TOP1MT: variants seen among roughly 807,000 people sequenced by gnomAD.
The protein encoded by TOP1MT is DNA topoisomerase I, mitochondrial.
In TOP1MT, 80 loss-of-function variants were observed where a neutral mutation model predicts 73.9. The ratio of observed to expected loss-of-function variants is 1.08; its 90% CI spans 0.90 to 1.30. The LOEUF is 1.30. TOP1MT is among the 50% of genes most tolerant of loss of function. The probability of loss-of-function intolerance (pLI) is 0.00; values close to 1 mark genes in which losing one functional copy is unlikely to be tolerated. For missense variants in TOP1MT, 815 were observed against 808.0 expected (o/e 1.01, Z -0.10); for synonymous variants, 338 against 326.4 (o/e 1.04, Z -0.38).
At chr8:143,322,416 C>A (rs1369567208) in intron 7 of TOP1MT, among the ~76,000 whole-genome samples, 2 of 129,172 alleles carry the variant, frequency 1.5e-5, no homozygotes, top group African/African-American at 3.3e-5. Flanking sequence ...CACACACGCA[C>A]GCCACACACA....
chr8:143,342,790 A>ATTAT (rs1817149256), intron 2 of TOP1MT, among the ~76,000 whole-genome samples: 1 of 147,956 alleles, frequency 6.8e-6, no homozygotes, highest in Non-Finnish European at 1.5e-5. Context: ...TATTATTATT[A>ATTAT]TTATTATTAT....
chr8:143,334,837 G>A lies in TOP1MT; in HGVS notation c.25C>T (p.Leu9Phe), dbSNP rs775858045. 1 of 1,501,916 alleles carries A rather than the reference G, an allele frequency of 6.7e-7. No homozygotes were observed. Among genetic ancestry groups the A allele is most frequent in the South Asian group, 1.2e-5 (1 of 83,486 alleles). The allele number at this position is 1,501,916 out of a possible 1,614,324, so 93.0% of individuals were successfully genotyped here. A position where few individuals can be genotyped will look rare whatever the true frequency, so the allele number is the denominator to read the frequency against. ...CCGAGCAGCGTCAGAGCCGCCCGGAGCCGCAGCAGCCGCACCACGCGCATC... is the reference window on the plus strand; with the variant it reads ...CCGAGCAGCGTCAGAGCCGCCCGGAACCGCAGCAGCCGCACCACGCGCATC... MRVVRLLR[L>F]RAALTLLGEV... is the part of the protein sequence containing the mutation. Residue 9 changes from leucine (L) to phenylalanine (F), a missense_variant, in exon 1 of 14, where the codon CTC becomes TTC. Physicochemically the swap from Leu to Phe is conservative, Grantham distance 22 (BLOSUM62 0). This residue lies in a region of TOP1MT where 60 missense variants were observed against 65.9 expected (regional missense o/e 0.91). Transcript: ENST00000329245.
At chr8:143,310,890 AG>A (rs1423571608) in intron 12 of TOP1MT, among the ~76,000 whole-genome samples, 1 of 151,582 alleles carries the variant, frequency 6.6e-6, no homozygotes, top group Non-Finnish European at 1.5e-5. Flanking sequence ...GAAAACAAGG[AG>A]GGAAAACAGA....
chr8:143,321,468 ACACG>A lies in TOP1MT; in HGVS notation c.961-86_961-83del. On this transcript the variant is annotated intron_variant, in intron 7 of 13. Coordinates refer to ENST00000329245, the MANE Select transcript of TOP1MT (RefSeq NM_052963.3). Reference sequence around the variant, plus strand: ...CGCACGCCACACACACGCACGCCACACACGCACGCCACACGCACGCCACACACGC... The same window carrying A: ...CGCACGCCACACACACGCACGCCACACACGCCACACGCACGCCACACACGC... 4 of 1,144,040 alleles carry A rather than the reference ACACG, an allele frequency of 3.5e-6. 1 individual carries two copies. Among genetic ancestry groups the A allele is most frequent in the East Asian group, 5.2e-5 (2 of 38,440 alleles). 70.9% of individuals were successfully genotyped at this position (1,144,040 alleles called of 1,614,324 possible).
intron 13 of TOP1MT, 151 bp from the exon 14 acceptor site, chr8:143,309,694 A>C (rs759184043): frequency 1.3e-6 from 2 of 1,513,484 alleles, no homozygotes; most frequent in Non-Finnish European, 8.8e-7. Flanking sequence ...GGCCAACCCC[A>C]CCCCACGCAT....
chr8:143,347,435 A>C (rs2450746), upstream of TOP1MT, among the ~76,000 whole-genome samples: 1 of 152,110 alleles, frequency 6.6e-6, no homozygotes, highest in Non-Finnish European at 1.5e-5. Flanking sequence ...GATTACAGGC[A>C]TGAGCCACCG....
chr8:143,328,413 C>T, intron 3 of TOP1MT: 1 of 402,820 alleles, frequency 2.5e-6, no homozygotes, highest in Non-Finnish European at 4.9e-6. Context: ...AAAGAAAATA[C>T]TGAAATGACA....
intron 1 of TOP1MT, 126 bp downstream of exon 1, chr8:143,334,614 T>TG: frequency 7.1e-7 from 1 of 1,400,022 alleles, no homozygotes; most frequent in South Asian, 1.3e-5. Context: ...CATGCTCTCC[T>TG]GGCCCGACTT....
Position 143,324,566 on chromosome 8 carries a change from G to T in TOP1MT, c.735C>A (p.Thr245=), listed in dbSNP as rs573988690. ...HQWKEVRSDN[T]VTWLAAWTES... is the part of the protein sequence containing the mutation. ...CGGTCCAAGCTGCCAGCCACGTGAC[G>T]GTGTTATCGGAGCGCACCTCCTTCC... The change falls in exon 6 of 14, where the codon ACC becomes ACA. Residue 245 remains threonine (T), a synonymous_variant. Coordinates refer to ENST00000329245, the MANE Select transcript of TOP1MT (RefSeq NM_052963.3). 1.3e-5 allele frequency: 21 copies of T among 1,613,798 alleles called. 1 individual carries two copies. In the South Asian group the frequency reaches 2.3e-4, roughly 18 times the overall value.
intron 1 of TOP1MT, chr8:143,331,884 G>GGGC (rs985607736): frequency 5.1e-4 from 82 of 159,982 alleles, no homozygotes; most frequent in Non-Finnish European, 1.0e-3. Context: ...GGAAGAGGCA[G>GGGC]GGCGGGGTGG....
exon 2 of TOP1MT, chr8:143,343,229 T>C (rs1054349611): frequency 4.4e-6 from 2 of 456,206 alleles, no homozygotes; most frequent in Non-Finnish European, 8.8e-6. Context: ...CTTGGCCTTT[T>C]TTCTTGGGTG....
At chr8:143,319,978 G>T (rs1471311097) in intron 8 of TOP1MT, among the ~76,000 whole-genome samples, 1 of 151,816 alleles carries the variant, frequency 6.6e-6, no homozygotes, top group Non-Finnish European at 1.5e-5. Context: ...ACAAAAATCA[G>T]CTGAGCTTGG....
At position 143,342,233 on chromosome 8, in the gene TOP1MT, TTATTATTATTAG is replaced by T. The variant is rs1387774188; in HGVS notation, c.29+975_29+986del. Among the ~76,000 whole-genome samples the T allele has an allele frequency of 1.2e-4, 17 of 139,114 alleles. 1 individual carries two copies. The highest frequency in any genetic ancestry group is 3.9e-4 in the African/African-American group (12 of 30,914). The allele number at this position is 139,114 out of a possible 152,430, so 91.3% of individuals were successfully genotyped here. A position where few individuals can be genotyped will look rare whatever the true frequency, so the allele number is the denominator to read the frequency against. The stretch of plus-strand genomic sequence containing the variant: ...TTAGAGACAGAGTCTCGCTCTATTA[TTATTATTATTAG>T]AGACAGAGTCTCGCTCTGTTATTAT... On this transcript the variant is annotated intron_variant, in intron 2 of 5. Transcript: ENST00000518007.
intron 8 of TOP1MT, among the ~76,000 whole-genome samples, chr8:143,319,293 A>AT (rs34739112): frequency 1.1e-4 from 16 of 148,864 alleles, no homozygotes; most frequent in South Asian, 4.3e-4. Context: ...TAATTTTTTT[A>AT]TTTTTTTTTT....
chr8:143,326,055 C>T (rs918530336), intron 4 of TOP1MT, among the ~76,000 whole-genome samples, 167 bp downstream of exon 4: 4 of 152,322 alleles, frequency 2.6e-5, no homozygotes, highest in East Asian at 1.9e-4. Context: ...TCTGGGGAAG[C>T]GGAACGACAC....
chr8:143,324,641 C>G lies in TOP1MT; in HGVS notation c.672-12G>C, dbSNP rs200935053. 458 of 1,611,242 alleles carry G rather than the reference C, an allele frequency of 2.8e-4. 3 individuals carry two copies. In the East Asian group the frequency reaches 1.0e-2, roughly 35 times the overall value. On this transcript the variant is annotated splice_polypyrimidine_tract_variant and intron_variant, in intron 5 of 13. Transcript: ENST00000329245. ...GGATCTTCGAGTCCCTGCAGCAGAA[C>G]AACGACCCAAACATAACTTGGAGAC... is the stretch of plus-strand genomic sequence containing the variant.
chr8:143,359,586 A>G (rs1817469196), upstream of TOP1MT, among the ~76,000 whole-genome samples: 1 of 135,280 alleles, frequency 7.4e-6, no homozygotes, highest in Non-Finnish European at 1.6e-5. Flanking sequence ...GGGTAAGCGA[A>G]GGGGGAAGAG....
chr8:143,321,061 A>G, intron 8 of TOP1MT, 140 bp downstream of exon 8: 3 of 838,718 alleles, frequency 3.6e-6, no homozygotes, highest in Non-Finnish European at 5.4e-6. Context: ...TACCCCGATC[A>G]GCCCCGGCAC....
chr8:143,353,955 C>T (rs1199357942), intron 1 of TOP1MT, among the ~76,000 whole-genome samples: 7 of 102,560 alleles, frequency 6.8e-5, no homozygotes, highest in African/African-American at 2.6e-4. Flanking sequence ...CAAAGAGAGA[C>T]TCCATCCCAA....
Sources: allele counts gnomAD v4.1 joint callset (sites outside exome capture counted in the v4.1 genomes callset), GRCh38; gene constraint gnomAD v4.1.1; regional missense constraint gnomAD v4.1.1; transcripts MANE v1.5; gene names NCBI Gene and HGNC (gene_info 2026-07-23, HGNC 2026-07-21).